PTPRT: variants seen among roughly 807,000 people sequenced by gnomAD.
PTPRT encodes receptor-type tyrosine-protein phosphatase T.
PTPRT carries 56 observed loss-of-function variants against 176.8 expected under a neutral mutation model. The ratio of observed to expected loss-of-function variants is 0.32; its 90% CI spans 0.26 to 0.40. The LOEUF is 0.40. Among genes scored for constraint, PTPRT ranks in the 10% least tolerant of loss-of-function variants. The pLI, the probability that PTPRT is intolerant of heterozygous loss-of-function variation, is 1.00. For synonymous variants in PTPRT, 783 were observed against 739.0 expected (o/e 1.06, Z -0.96); for missense variants, 1,540 against 1,908.2 (o/e 0.81, Z 3.60).
chr20:42,790,431 A>C (rs2077357641), intron 3 of PTPRT, among the ~76,000 whole-genome samples: 1 of 151,858 alleles, frequency 6.6e-6, no homozygotes, highest in Admixed American at 6.6e-5. Flanking sequence ...ATGGTTTATA[A>C]GAGTATTGCT....
At chr20:42,093,499 T>C (rs1205248104) in intron 27 of PTPRT, among the ~76,000 whole-genome samples, 1 of 152,094 alleles carries the variant, frequency 6.6e-6, no homozygotes, top group Non-Finnish European at 1.5e-5. Context: ...CTAAATGAAG[T>C]AGTGTAAGAT....
the PTPRT span, among the ~76,000 whole-genome samples, chr20:42,040,072 C>CT: frequency 1.6e-3 from 245 of 152,144 alleles, no homozygotes; most frequent in African/African-American, 5.3e-3. Context: ...CAAAAGTTCC[C>CT]TTTTTTTTCC....
intron 1 of PTPRT, among the ~76,000 whole-genome samples, chr20:43,160,322 C>T (rs2014656964): frequency 6.6e-6 from 1 of 152,204 alleles, no homozygotes; most frequent in African/African-American, 2.4e-5. Context: ...GTTACTGACA[C>T]ACAAATAAGT....
At chr20:42,109,579 T>TGAAAA (rs1348357983) in intron 23 of PTPRT, among the ~76,000 whole-genome samples, 1 of 152,048 alleles carries the variant, frequency 6.6e-6, no homozygotes, top group South Asian at 2.1e-4. Context: ...AATATAGAAA[T>TGAAAA]GAAAAGAAGC....
intron 11 of PTPRT, among the ~76,000 whole-genome samples, chr20:42,345,096 C>A (rs969392961): frequency 1.3e-4 from 20 of 152,094 alleles, no homozygotes; most frequent in Admixed American, 6.6e-4. Flanking sequence ...TCATTGGCAC[C>A]TTTTCTTTTT....
At chr20:42,705,425 T>C (rs879466712) in intron 6 of PTPRT, among the ~76,000 whole-genome samples, 2 of 41,212 alleles carry the variant, frequency 4.9e-5, no homozygotes, top group Non-Finnish European at 9.7e-5. Context: ...AAGGGCGGGG[T>C]GGGGGGAGGT....
chr20:42,518,311 AT>A (rs950655052), intron 7 of PTPRT, among the ~76,000 whole-genome samples: 11 of 151,340 alleles, frequency 7.3e-5, no homozygotes, highest in South Asian at 2.1e-4. Context: ...ATAAAACTGG[AT>A]TTTTTTTTAA....
intron 7 of PTPRT, among the ~76,000 whole-genome samples, chr20:42,552,794 C>T (rs1370266853): frequency 2.0e-5 from 3 of 151,948 alleles, no homozygotes; most frequent in Admixed American, 2.0e-4. Context: ...GAAGTAAATT[C>T]GTAGTTTAGA....
rs370229066 is a variant in PTPRT, at chr20:42,749,551, T to A, written c.859+6911A>T. Among the ~76,000 whole-genome samples, 4 of 152,318 alleles carry A rather than the reference T, an allele frequency of 2.6e-5. No individual in the cohort carries two copies. In the East Asian group the frequency reaches 7.7e-4, roughly 29 times the overall value. On this transcript the variant is annotated intron_variant, in intron 6 of 30. Coordinates refer to ENST00000373187, the MANE Select transcript of PTPRT (RefSeq NM_007050.6). Reference sequence around the variant, plus strand: ...GCTCTGCCACTTATGAGCAGTATGATCTTAGAAAGGTCCAGAACCTCTCTG... The same window carrying A: ...GCTCTGCCACTTATGAGCAGTATGAACTTAGAAAGGTCCAGAACCTCTCTG...
At chr20:42,130,702 AGACAGCAAGTTATACTAAATGCGACTTTT>A (rs975648118) in intron 18 of PTPRT, among the ~76,000 whole-genome samples, 3 of 152,200 alleles carry the variant, frequency 2.0e-5, no homozygotes, top group African/African-American at 7.2e-5. Context: ...GCACTGTGCT[AGACAGCAAGTTATACTAAATGCGACTTTT>A]CTTACTCATC....
chr20:42,153,848 T>C (rs1006034815), intron 17 of PTPRT, among the ~76,000 whole-genome samples: 5 of 152,178 alleles, frequency 3.3e-5, no homozygotes, highest in Non-Finnish European at 7.3e-5. Flanking sequence ...TTGGTAACTC[T>C]TCCAAGATCC....
intron 18 of PTPRT, among the ~76,000 whole-genome samples, chr20:42,136,283 C>A (rs1988376228): frequency 1.8e-5 from 2 of 110,244 alleles, no homozygotes; most frequent in Admixed American, 1.4e-4. Flanking sequence ...TGACTCATTA[C>A]AATGAATTGT....
At chr20:42,139,299 AG>A (rs1487766806) in intron 18 of PTPRT, among the ~76,000 whole-genome samples, 5 of 152,280 alleles carry the variant, frequency 3.3e-5, no homozygotes, top group African/African-American at 1.2e-4. Flanking sequence ...AAACCCATCA[AG>A]GTGGTATCGT....
At chr20:43,020,257 T>C (rs1207556943) in intron 1 of PTPRT, among the ~76,000 whole-genome samples, 1 of 148,672 alleles carries the variant, frequency 6.7e-6, no homozygotes, top group Non-Finnish European at 1.5e-5. Context: ...TATATATATA[T>C]TTGGTTCTTT....
At chr20:42,575,599 C>T (rs1416202602) in intron 7 of PTPRT, among the ~76,000 whole-genome samples, 1 of 152,174 alleles carries the variant, frequency 6.6e-6, no homozygotes, top group Admixed American at 6.5e-5. Context: ...AGACAGTAAA[C>T]ATTTTAGGCT....
intron 6 of PTPRT, among the ~76,000 whole-genome samples, chr20:42,697,831 T>G (rs1247254371): frequency 1.3e-5 from 2 of 152,220 alleles, no homozygotes; most frequent in Non-Finnish European, 2.9e-5. Flanking sequence ...GAAATTGCCA[T>G]CATTCTTCAT....
At chr20:42,932,682 G>A (rs560178652) in intron 1 of PTPRT, among the ~76,000 whole-genome samples, 20 of 152,308 alleles carry the variant, frequency 1.3e-4, no homozygotes, top group Non-Finnish European at 2.4e-4. Context: ...CACGACAGCT[G>A]GTCACCCCAG....
intron 16 of PTPRT, among the ~76,000 whole-genome samples, chr20:42,181,537 A>G (rs1990525972): frequency 6.6e-6 from 1 of 152,198 alleles, no homozygotes. Context: ...ACCTTCCTCT[A>G]TGGGATTAAA....
intron 1 of PTPRT, among the ~76,000 whole-genome samples, chr20:43,042,248 T>C (rs1490913499): frequency 6.6e-6 from 1 of 152,212 alleles, no homozygotes; most frequent in East Asian, 1.9e-4. Context: ...ACATTGTTTA[T>C]TCAGGGCCAA....
Sources: gnomAD v4.1 joint callset for allele counts (sites outside exome capture counted in the v4.1 genomes callset) on GRCh38, gnomAD v4.1.1 for gene constraint, MANE v1.5 for transcripts, NCBI Gene and HGNC (gene_info 2026-07-23, HGNC 2026-07-21) for gene names.